QTMAN: variants seen among roughly 807,000 people sequenced by gnomAD.
QTMAN encodes queuosine-tRNA mannosyltransferase.
the QTMAN span, among the ~76,000 whole-genome samples, chr2:144,298,364 G>A: frequency 9.9e-5 from 15 of 152,108 alleles, no homozygotes; most frequent in Non-Finnish European, 1.6e-4. Context: ...GGGGTAAAAC[G>A]TCACTTTTGA....
At chr2:144,141,616 A>T in the QTMAN span, among the ~76,000 whole-genome samples, 1 of 150,844 alleles carries the variant, frequency 6.6e-6, no homozygotes, top group African/African-American at 2.4e-5. Flanking sequence ...AGAAAGAAAG[A>T]AACAAAACAC....
the QTMAN span, among the ~76,000 whole-genome samples, chr2:144,122,501 C>A: frequency 3.9e-5 from 6 of 152,082 alleles, no homozygotes; most frequent in Admixed American, 3.9e-4. Context: ...TTACATCTTT[C>A]TTCAGGTGTT....
At chr2:144,186,525 T>G in the QTMAN span, among the ~76,000 whole-genome samples, 19 of 152,316 alleles carry the variant, frequency 1.2e-4, no homozygotes, top group Non-Finnish European at 2.4e-4. Flanking sequence ...GGTTTTATTT[T>G]CGTTTTGTTT....
chr2:144,330,047 C>T, the QTMAN span, among the ~76,000 whole-genome samples: 85 of 152,324 alleles, frequency 5.6e-4, no homozygotes, highest in Non-Finnish European at 9.4e-4. Flanking sequence ...GCAAGAACTT[C>T]AGGACTCATG....
the QTMAN span, among the ~76,000 whole-genome samples, chr2:144,068,424 C>A: frequency 6.6e-6 from 1 of 152,158 alleles, no homozygotes; most frequent in Non-Finnish European, 1.5e-5. Context: ...TGTAATTCCA[C>A]AAAAACATCA....
chr2:144,176,473 G>C, the QTMAN span, among the ~76,000 whole-genome samples: 36 of 152,006 alleles, frequency 2.4e-4, no homozygotes, highest in African/African-American at 8.4e-4. Flanking sequence ...ATTCAGCATT[G>C]TACTGCAATT....
the QTMAN span, among the ~76,000 whole-genome samples, chr2:144,299,074 T>C: frequency 1.3e-5 from 2 of 152,136 alleles, no homozygotes; most frequent in African/African-American, 4.8e-5. Context: ...CAATTACTTC[T>C]CAAACCCAGC....
At chr2:144,159,829 G>C in the QTMAN span, among the ~76,000 whole-genome samples, 3 of 152,048 alleles carry the variant, frequency 2.0e-5, no homozygotes, top group Admixed American at 1.3e-4. Context: ...GTTGTAATAA[G>C]AAAAGCTGCA....
chr2:144,110,687 CCAA>C, the QTMAN span, among the ~76,000 whole-genome samples: 92 of 142,058 alleles, frequency 6.5e-4, 1 homozygote, highest in African/African-American at 2.5e-3. Flanking sequence ...CGACCCCCCC[CCAA>C]AAAAAAAAAA....
At chr2:143,975,587 C>T in the QTMAN span, among the ~76,000 whole-genome samples, 1 of 152,214 alleles carries the variant, frequency 6.6e-6, no homozygotes, top group Non-Finnish European at 1.5e-5. Context: ...CAGAAGACTC[C>T]ATCTTCATCT....
chr2:144,026,874 AT>A, the QTMAN span, among the ~76,000 whole-genome samples: 252 of 152,340 alleles, frequency 1.7e-3, no homozygotes, highest in African/African-American at 5.8e-3. Context: ...GGTAGTAAAA[AT>A]TGATTTGTAA....
the QTMAN span, among the ~76,000 whole-genome samples, chr2:144,099,173 C>T: frequency 6.6e-6 from 1 of 152,114 alleles, no homozygotes; most frequent in Non-Finnish European, 1.5e-5. Context: ...CTGTCTGGGA[C>T]AGCAGTAAAG....
the QTMAN span, among the ~76,000 whole-genome samples, chr2:144,174,063 C>G: frequency 6.6e-6 from 1 of 152,172 alleles, no homozygotes; most frequent in Non-Finnish European, 1.5e-5. Context: ...CAGAAATTAC[C>G]CAGCCTCAGG....
At chr2:144,163,979 A>G in the QTMAN span, among the ~76,000 whole-genome samples, 1 of 152,178 alleles carries the variant, frequency 6.6e-6, no homozygotes, top group East Asian at 1.9e-4. Flanking sequence ...GCTGGAGTGC[A>G]GTGACACAAT....
At chr2:144,177,029 T>C in the QTMAN span, 1 of 641,756 alleles carries the variant, frequency 1.6e-6, no homozygotes, top group East Asian at 2.7e-5. Context: ...TGGTGGGAGG[T>C]GCCAGACACT....
At chr2:144,064,563 G>C in the QTMAN span, among the ~76,000 whole-genome samples, 1 of 152,160 alleles carries the variant, frequency 6.6e-6, no homozygotes, top group African/African-American at 2.4e-5. Flanking sequence ...CGTTTGAGGA[G>C]AACTCAAAGT....
At chr2:144,320,883 T>C in the QTMAN span, among the ~76,000 whole-genome samples, 7 of 152,214 alleles carry the variant, frequency 4.6e-5, no homozygotes, top group Admixed American at 3.3e-4. Flanking sequence ...CTGGTTATGA[T>C]TGCCCCTGAA....
At chr2:144,080,109 A>T in the QTMAN span, among the ~76,000 whole-genome samples, 1 of 152,118 alleles carries the variant, frequency 6.6e-6, no homozygotes, top group Non-Finnish European at 1.5e-5. Context: ...ACAATTTTAG[A>T]TGTAACCTCT....
At chr2:144,275,697 G>A in the QTMAN span, among the ~76,000 whole-genome samples, 1 of 152,142 alleles carries the variant, frequency 6.6e-6, no homozygotes, top group African/African-American at 2.4e-5. Flanking sequence ...TTGCAGGGAA[G>A]CTTAATGCTG....
Sources: allele counts gnomAD v4.1 joint callset (sites outside exome capture counted in the v4.1 genomes callset), GRCh38; gene constraint gnomAD v4.1.1; transcripts MANE v1.5; gene names NCBI Gene and HGNC (gene_info 2026-07-23, HGNC 2026-07-21).